PIGN: variants seen among roughly 807,000 people sequenced by gnomAD.
PIGN encodes the protein phosphatidylinositol glycan anchor biosynthesis class N, also known as GPI ethanolamine phosphate transferase 1.
A neutral mutation model predicts 125.4 loss-of-function variants in PIGN; 117 were observed. That is an observed-to-expected ratio of 0.93 (90% CI 0.80 to 1.09). The LOEUF is 1.09. Among genes scored for constraint, PIGN ranks in the 50% least tolerant of loss-of-function variants. The pLI, the probability that PIGN is intolerant of heterozygous loss-of-function variation, is 0.00. For synonymous variants in PIGN, 392 were observed against 377.8 expected, an observed-to-expected ratio of 1.04 and a Z score of -0.44; for missense variants, 1,075 against 1,094.9, an observed-to-expected ratio of 0.98 and a Z score of 0.26.
intron 14 of PIGN, among the ~76,000 whole-genome samples, chr18:62,126,263 T>C (rs973769524): frequency 6.6e-6 from 1 of 152,172 alleles, no homozygotes; most frequent in South Asian, 2.1e-4. Flanking sequence ...TCATACTTTC[T>C]AGTGATTAAT....
chr18:62,179,201 T>C (rs1440289499), intron 1 of PIGN, among the ~76,000 whole-genome samples: 1 of 152,230 alleles, frequency 6.6e-6, no homozygotes, highest in Admixed American at 6.5e-5. Flanking sequence ...AAACTGTTAA[T>C]ATAAAACTTG....
intron 1 of PIGN, among the ~76,000 whole-genome samples, chr18:62,172,838 A>G (rs909887768): frequency 6.6e-6 from 1 of 152,202 alleles, no homozygotes; most frequent in African/African-American, 2.4e-5. Flanking sequence ...TAGTTCTGTT[A>G]CATAATAAGA....
intron 20 of PIGN, among the ~76,000 whole-genome samples, chr18:62,103,226 C>A (rs1458417892): frequency 1.3e-5 from 2 of 151,920 alleles, no homozygotes; most frequent in Non-Finnish European, 2.9e-5. Flanking sequence ...TAATATTTAG[C>A]CTGAATTGGG....
At chr18:62,064,403 G>C (rs530129305) in intron 30 of PIGN, among the ~76,000 whole-genome samples, 16 of 152,324 alleles carry the variant, frequency 1.1e-4, no homozygotes, top group Middle Eastern at 3.4e-3. Context: ...GCATCACCAA[G>C]TCTTAAGGCT....
rs2147311582 is a variant in PIGN, at chr18:62,148,214, C to T, written c.674G>A (p.Arg225Lys). ...TNGHAHRPSS[R>K]DYKHNIKKVD... ...ACAATTAAACACAATATTAAATTAC[C>T]TCGAGGATGGTCGATGAGCATGTCC... Residue 225 changes from arginine (R) to lysine (K), a missense_variant and splice_region_variant, in exon 8 of 31, where the codon AGA becomes AAA. Arg to Lys is a conservative substitution (Grantham distance 26). Coordinates refer to ENST00000640252, the MANE Select transcript of PIGN (RefSeq NM_176787.5). 6.5e-7 allele frequency: 1 copy of T among 1,539,046 alleles called. No homozygotes were observed. The highest frequency in any genetic ancestry group is 8.8e-7 in the Non-Finnish European group (1 of 1,141,370).
chr18:62,180,965 C>A lies in PIGN; in HGVS notation c.-236+5879G>T, dbSNP rs147295304. 9.7e-4 allele frequency among the ~76,000 whole-genome samples: 147 copies of A among 151,998 alleles called. 1 individual carries two copies. Among genetic ancestry groups the A allele is most frequent in the African/African-American group, 3.4e-3 (143 of 41,454 alleles). ...AATAGTTTTAGATTTTTGTTTTTTACCTTTCATTATTTAAAATTTATTTGT... is the reference window on the plus strand; with the variant it reads ...AATAGTTTTAGATTTTTGTTTTTTAACTTTCATTATTTAAAATTTATTTGT... On this transcript the variant is annotated intron_variant, in intron 1 of 30. Transcript: ENST00000640252.
At position 62,157,737 on chromosome 18, in the gene PIGN, T is replaced by C. The variant is rs1316478536; in HGVS notation, c.293A>G (p.His98Arg). 6.2e-7 allele frequency: 1 copy of C among 1,612,654 alleles called. No individual in the cohort carries two copies. Among genetic ancestry groups the C allele is most frequent in the Admixed American group, 1.7e-5 (1 of 59,906 alleles). The change falls in exon 5 of 31, where the codon CAT (histidine) becomes CGT (arginine). Residue 98 changes from histidine to arginine, a missense_variant. Transcript: ENST00000640252. ...TRVPTESRPG[H>R]VALIAGFYED... The stretch of plus-strand genomic sequence containing the variant: ...ATAAAACCCAGCTATCAGAGCTACA[T>C]GACCTGGCCGAGATTCTGTTGGCAC...
At chr18:62,155,356 C>T (rs894471291) in intron 6 of PIGN, among the ~76,000 whole-genome samples, 11 of 151,994 alleles carry the variant, frequency 7.2e-5, no homozygotes, top group Admixed American at 3.9e-4. Flanking sequence ...CACCGGAGGT[C>T]GGGAGATCGA....
At chr18:62,113,425 T>C in intron 15 of PIGN, 109 bp from the exon 16 acceptor site, 1 of 695,510 alleles carries the variant, frequency 1.4e-6, no homozygotes, top group African/African-American at 1.8e-5. Flanking sequence ...GTATTAAAAT[T>C]AGTGAATAAC....
intron 27 of PIGN, among the ~76,000 whole-genome samples, chr18:62,083,729 T>C (rs1162980605): frequency 6.6e-6 from 1 of 152,050 alleles, no homozygotes; most frequent in African/African-American, 2.4e-5. Context: ...ATTAAGGAAA[T>C]AGCAACATGT....
At chr18:62,139,125 T>C in intron 12 of PIGN, 50 bp from the exon 13 acceptor site, 1 of 1,138,230 alleles carries the variant, frequency 8.8e-7, no homozygotes, top group Non-Finnish European at 1.3e-6. Context: ...CAGCTCAGGC[T>C]ATCCTTATAA....
intron 14 of PIGN, among the ~76,000 whole-genome samples, chr18:62,119,618 C>T (rs2035220569): frequency 6.6e-6 from 1 of 151,954 alleles, no homozygotes; most frequent in South Asian, 2.1e-4. Flanking sequence ...CCAAGGTGGG[C>T]AGATCACTTG....
intron 14 of PIGN, among the ~76,000 whole-genome samples, chr18:62,132,765 C>G (rs998902309): frequency 1.3e-5 from 2 of 151,894 alleles, no homozygotes; most frequent in African/African-American, 2.4e-5. Flanking sequence ...TTTTATAGAC[C>G]TCACACTTTT....
chr18:62,052,881 C>CT, intron 30 of PIGN: 1 of 374,358 alleles, frequency 2.7e-6, no homozygotes, highest in Non-Finnish European at 4.7e-6. Context: ...TTCAGGAGCT[C>CT]TTTTAGGGCA....
chr18:62,152,329 T>C (rs1165312378), intron 7 of PIGN, among the ~76,000 whole-genome samples: 9 of 151,996 alleles, frequency 5.9e-5, no homozygotes, highest in Non-Finnish European at 4.4e-5. Context: ...ACTTTAAGTT[T>C]TAGGGTACAT....
At chr18:62,178,925 C>G (rs560942783) in intron 1 of PIGN, among the ~76,000 whole-genome samples, 1 of 152,256 alleles carries the variant, frequency 6.6e-6, no homozygotes, top group Admixed American at 6.5e-5. Context: ...TCCAGAAACT[C>G]TACCAGGATA....
chr18:62,102,948 G>T (rs112653159), intron 20 of PIGN, 46 bp from the exon 21 acceptor site: 2 of 1,057,976 alleles, frequency 1.9e-6, no homozygotes, highest in East Asian at 2.8e-5. Flanking sequence ...AGATATTTAC[G>T]AACACATATC....
At chr18:62,024,067 G>A (rs586025) in intron 23 of PIGN, among the ~76,000 whole-genome samples, 33,321 of 152,132 alleles carry the variant, frequency 0.22, 3,964 homozygotes, top group Middle Eastern at 0.35. Flanking sequence ...GCAGCTAAAA[G>A]TAGGTTTTGT....
Position 62,088,820 on chromosome 18 carries a change from T to C in PIGN, c.2306A>G (p.Tyr769Cys), listed in dbSNP as rs1284589322. Residue 769 changes from tyrosine (Y) to cysteine (C), a missense_variant, in exon 25 of 31, where the codon TAT becomes TGT. Transcript: ENST00000640252. ...TCGAAACTGAGTTATATCAGTATTA[T>C]AAGAGAACTGGATACTGGTGAGCTG... is the stretch of plus-strand genomic sequence containing the variant. ...KQKLTSIQFS[Y>C]NTDITQFRQL... is the part of the protein sequence containing the mutation. 1.9e-6 allele frequency: 3 copies of C among 1,550,912 alleles called. No homozygotes were observed. The highest frequency in any genetic ancestry group is 2.7e-5 in the African/African-American group (2 of 73,416).
Sources: gnomAD v4.1 joint callset for allele counts (sites outside exome capture counted in the v4.1 genomes callset) on GRCh38, gnomAD v4.1.1 for gene constraint, MANE v1.5 for transcripts, NCBI Gene and HGNC (gene_info 2026-07-23, HGNC 2026-07-21) for gene names.